LIPC: variants seen among roughly 807,000 people sequenced by gnomAD.
The protein encoded by LIPC is lipase C, hepatic type.
In LIPC, 44 loss-of-function variants were observed where a neutral mutation model predicts 50.7. The observed-to-expected ratio is 0.87, with a 90% CI of 0.68 to 1.11. LIPC has a LOEUF of 1.11. LIPC is among the 50% of genes most tolerant of loss of function. LIPC has a pLI of 0.00. For synonymous variants in LIPC, 271 were observed against 256.4 expected (o/e 1.06, Z -0.54); for missense variants, 697 against 648.2 (o/e 1.08, Z -0.82).
chr15:58,493,113 C>T (rs1301691557), intron 1 of LIPC, among the ~76,000 whole-genome samples: 2 of 152,106 alleles, frequency 1.3e-5, no homozygotes, highest in African/African-American at 2.4e-5. Context: ...TCCACCCTGG[C>T]CCCCCATGGT....
intron 1 of LIPC, among the ~76,000 whole-genome samples, chr15:58,488,738 A>G (rs1390179763): frequency 2.6e-5 from 4 of 152,226 alleles, no homozygotes; most frequent in Non-Finnish European, 4.4e-5. Flanking sequence ...TAAGGTAAAA[A>G]GAATTGTACA....
At chr15:58,481,755 G>A (rs1485086727) in intron 1 of LIPC, among the ~76,000 whole-genome samples, 2 of 152,148 alleles carry the variant, frequency 1.3e-5, no homozygotes, top group African/African-American at 4.8e-5. Flanking sequence ...GCCGAGATCG[G>A]GCCACTGCAC....
intron 1 of LIPC, among the ~76,000 whole-genome samples, chr15:58,449,028 C>A (rs1334251792): frequency 6.6e-6 from 1 of 152,112 alleles, no homozygotes; most frequent in Admixed American, 6.5e-5. Flanking sequence ...GAGGGCTTGG[C>A]AGGCCGGAAA....
intron 1 of LIPC, among the ~76,000 whole-genome samples, chr15:58,484,049 C>G (rs1406668154): frequency 6.6e-6 from 1 of 152,146 alleles, no homozygotes; most frequent in Non-Finnish European, 1.5e-5. Flanking sequence ...AGTGTTCAGT[C>G]TTTCCAAAAA....
chr15:58,530,885 C>T (rs138253983), intron 1 of LIPC, among the ~76,000 whole-genome samples: 21 of 152,250 alleles, frequency 1.4e-4, no homozygotes, highest in African/African-American at 3.9e-4. Flanking sequence ...GATGGATATG[C>T]GACAATTTGT....
In LIPC at chr15:58,490,183, G is replaced by A. The variant is rs540118510; in HGVS notation, c.89-48150G>A. ...TGCTAAAAGGTCACATGAGTGACAG[G>A]GTTAGGACTTAAACATGCGTGGGGT... On this transcript the variant is annotated intron_variant, in intron 1 of 8. Coordinates refer to ENST00000299022, the MANE Select transcript of LIPC (RefSeq NM_000236.3). Among the ~76,000 whole-genome samples, 139 of 152,276 alleles carry A rather than the reference G, an allele frequency of 9.1e-4. 1 individual carries two copies. The highest frequency in any genetic ancestry group is 7.7e-3 in the Admixed American group (117 of 15,294).
intron 1 of LIPC, among the ~76,000 whole-genome samples, chr15:58,459,795 C>T (rs1419167419): frequency 1.3e-5 from 2 of 152,238 alleles, no homozygotes; most frequent in Non-Finnish European, 2.9e-5. Context: ...CTCCCTTACC[C>T]CTTGGGGGAA....
rs571299029 is a variant in LIPC at position 58,523,746 on chromosome 15, C to G, written c.89-14587C>G. ...CCAGCCTGAGCAACACAGTGAGGCC[C>G]TGTGTCTATGATAAATAAATAAATA... On this transcript the variant is annotated intron_variant, in intron 1 of 8. Coordinates refer to ENST00000299022, the MANE Select transcript of LIPC (RefSeq NM_000236.3). Among the ~76,000 whole-genome samples, 6 of 152,032 alleles carry G rather than the reference C, an allele frequency of 3.9e-5. No homozygotes were observed. In the South Asian group the frequency reaches 1.2e-3, roughly 32 times the overall value.
intron 1 of LIPC, among the ~76,000 whole-genome samples, chr15:58,500,538 G>C (rs570901192): frequency 5.9e-5 from 9 of 152,302 alleles, no homozygotes; most frequent in African/African-American, 2.2e-4. Context: ...GCAGTCTACA[G>C]TCACTTGAGG....
chr15:58,534,984 T>C (rs1893067287), intron 1 of LIPC, among the ~76,000 whole-genome samples: 1 of 152,192 alleles, frequency 6.6e-6, no homozygotes, highest in South Asian at 2.1e-4. Flanking sequence ...TAGTCTACCT[T>C]CTCCACAACA....
At chr15:58,555,192 G>T (rs1464494669) in intron 6 of LIPC, among the ~76,000 whole-genome samples, 1 of 152,220 alleles carries the variant, frequency 6.6e-6, no homozygotes, top group Non-Finnish European at 1.5e-5. Flanking sequence ...CTCAAATGCA[G>T]AAATCAATCT....
intron 1 of LIPC, among the ~76,000 whole-genome samples, chr15:58,500,536 C>T (rs1427236411): frequency 6.6e-6 from 1 of 152,322 alleles, no homozygotes; most frequent in Admixed American, 6.5e-5. Context: ...GCGCAGTCTA[C>T]AGTCACTTGA....
chr15:58,542,468 C>G, intron 3 of LIPC, 66 bp from the exon 4 acceptor site: 3 of 1,044,180 alleles, frequency 2.9e-6, no homozygotes, highest in South Asian at 2.5e-5. Flanking sequence ...CCACAACACA[C>G]TGGACCGCAA....
intron 1 of LIPC, among the ~76,000 whole-genome samples, chr15:58,459,052 G>A (rs1325090681): frequency 6.6e-6 from 1 of 152,156 alleles, no homozygotes; most frequent in East Asian, 1.9e-4. Context: ...TTGGCTATAG[G>A]TGCAATACAT....
intron 1 of LIPC, among the ~76,000 whole-genome samples, chr15:58,461,673 C>A (rs1894353497): frequency 6.6e-6 from 1 of 152,070 alleles, no homozygotes; most frequent in East Asian, 1.9e-4. Flanking sequence ...CTGCCTTGGC[C>A]TCCCAGAATG....
intron 1 of LIPC, among the ~76,000 whole-genome samples, chr15:58,518,801 T>C (rs1340239867): frequency 6.6e-6 from 1 of 152,128 alleles, no homozygotes; most frequent in African/African-American, 2.4e-5. Flanking sequence ...AACAGTTACA[T>C]CTGCTGGTGG....
intron 1 of LIPC, among the ~76,000 whole-genome samples, chr15:58,445,032 G>A (rs1283349066): frequency 6.6e-6 from 1 of 152,214 alleles, no homozygotes; most frequent in Admixed American, 6.5e-5. Flanking sequence ...GTGCTGAAAG[G>A]TGCAGGAAGC....
intron 7 of LIPC, among the ~76,000 whole-genome samples, chr15:58,562,680 C>T (rs1377880056): frequency 6.6e-6 from 1 of 152,160 alleles, no homozygotes. Flanking sequence ...GATGCTCTGT[C>T]CAACACCTAC....
At chr15:58,535,982 C>A (rs1230988851) in intron 1 of LIPC, among the ~76,000 whole-genome samples, 4 of 152,198 alleles carry the variant, frequency 2.6e-5, no homozygotes, top group African/African-American at 9.7e-5. Flanking sequence ...CCTCACCGCT[C>A]ACTAACATTT....
Sources: gnomAD v4.1 joint callset for allele counts (sites outside exome capture counted in the v4.1 genomes callset) on GRCh38, gnomAD v4.1.1 for gene constraint, MANE v1.5 for transcripts, NCBI Gene and HGNC (gene_info 2026-07-23, HGNC 2026-07-21) for gene names.